KANSL1: variants seen among roughly 807,000 people sequenced by gnomAD.
KANSL1 encodes the protein MLL1/MLL complex subunit KANSL1.
KANSL1 carries 22 observed loss-of-function variants against 103.6 expected under a neutral mutation model. The ratio of observed to expected loss-of-function variants is 0.21; its 90% CI spans 0.15 to 0.30. KANSL1 has a LOEUF of 0.30. KANSL1 is among the 10% of genes least tolerant of loss of function. The probability of loss-of-function intolerance (pLI) is 1.00; values close to 1 mark genes in which losing one functional copy is unlikely to be tolerated. For synonymous variants in KANSL1, 600 were observed against 527.6 expected (o/e 1.14, Z -1.88); for missense variants, 1,337 against 1,399.8 (o/e 0.96, Z 0.72).
intron 2 of KANSL1, among the ~76,000 whole-genome samples, chr17:46,095,511 A>G (rs1049037860): frequency 6.6e-6 from 1 of 152,242 alleles, no homozygotes; most frequent in Non-Finnish European, 1.5e-5. Flanking sequence ...AGAAACGATC[A>G]AACTACTCAA....
intron 7 of KANSL1, chr17:46,042,903 T>TA (rs1242198064): frequency 6.7e-6 from 1 of 148,166 alleles, no homozygotes; most frequent in Admixed American, 7.0e-5. Context: ...GGAAAACTAT[T>TA]AAAGTTTTAA....
At chr17:46,084,260 T>C (rs1023882422) in intron 3 of KANSL1, among the ~76,000 whole-genome samples, 2 of 152,194 alleles carry the variant, frequency 1.3e-5, no homozygotes. Flanking sequence ...CACATGCCCA[T>C]AGTCCCAGCT....
In KANSL1 at chr17:46,029,954, T is replaced by C. The variant is rs2076958047; in HGVS notation, c.*1522A>G. 1 of 146,928 alleles carries C rather than the reference T, an allele frequency of 6.8e-6. No homozygotes were observed. Among genetic ancestry groups the C allele is most frequent in the African/African-American group, 2.4e-5 (1 of 40,936 alleles). 9.1% of individuals were successfully genotyped at this position (146,928 alleles called of 1,614,324 possible). On this transcript the variant is annotated 3_prime_UTR_variant, in exon 15 of 15. Coordinates refer to ENST00000432791, the MANE Select transcript of KANSL1 (RefSeq NM_015443.4). ...TTTTTTATTTTTTTCAATTTTTCCT[T>C]CTTTTTTTTTTTTAAGCACTAGTCT...
intron 3 of KANSL1, among the ~76,000 whole-genome samples, chr17:46,091,335 T>C (rs1259449955): frequency 1.3e-5 from 2 of 152,214 alleles, no homozygotes; most frequent in East Asian, 3.8e-4. Flanking sequence ...CTAAGTGTTA[T>C]TACAAAAGAG....
At chr17:46,038,394 GACAT>G (rs1181668983) in intron 10 of KANSL1, 140 bp downstream of exon 10, 1 of 841,982 alleles carries the variant, frequency 1.2e-6, no homozygotes, top group Non-Finnish European at 1.8e-6. Flanking sequence ...AAATGGTACA[GACAT>G]ACATACATAT....
chr17:46,188,189 A>G (rs957557044), intron 1 of KANSL1, among the ~76,000 whole-genome samples: 1 of 152,200 alleles, frequency 6.6e-6, no homozygotes, highest in Non-Finnish European at 1.5e-5. Context: ...CTTACCTCCT[A>G]TATCTTCTGA....
At chr17:46,035,628 T>A (rs542626165) in intron 10 of KANSL1, 2 of 152,308 alleles carry the variant, frequency 1.3e-5, no homozygotes, top group South Asian at 4.2e-4. Flanking sequence ...AGTGATCTCA[T>A]ACCCAGAGAC....
chr17:46,192,541 G>A (rs538857422), intron 1 of KANSL1: 3 of 152,990 alleles, frequency 2.0e-5, no homozygotes, highest in South Asian at 4.1e-4. Context: ...ATGTTCTTCA[G>A]GCCGCCTTTT....
At chr17:46,187,189 A>G (rs949351029) in intron 1 of KANSL1, among the ~76,000 whole-genome samples, 1 of 152,270 alleles carries the variant, frequency 6.6e-6, no homozygotes, top group African/African-American at 2.4e-5. Flanking sequence ...AAGTCTAGAT[A>G]TGAGTTCTTA....
chr17:46,049,595 C>T (rs1004024081), intron 7 of KANSL1: 5 of 152,036 alleles, frequency 3.3e-5, no homozygotes, highest in East Asian at 1.9e-4. Flanking sequence ...GGATTAAAGA[C>T]GTGGGCCACG....
intron 2 of KANSL1, among the ~76,000 whole-genome samples, chr17:46,167,867 C>T (rs1383208277): frequency 6.6e-6 from 1 of 152,184 alleles, no homozygotes; most frequent in Non-Finnish European, 1.5e-5. Flanking sequence ...AAGAAAAAAA[C>T]AATTGAATTC....
At chr17:46,149,392 T>C (rs1312189449) in intron 2 of KANSL1, among the ~76,000 whole-genome samples, 1 of 152,234 alleles carries the variant, frequency 6.6e-6, no homozygotes, top group Non-Finnish European at 1.5e-5. Flanking sequence ...AGAACAACAA[T>C]GAACAGGATT....
chr17:46,145,811 C>G (rs2044665447), intron 2 of KANSL1, among the ~76,000 whole-genome samples: 1 of 152,186 alleles, frequency 6.6e-6, no homozygotes, highest in Admixed American at 6.5e-5. Flanking sequence ...TCACTCCAAC[C>G]TCCACCTCCT....
At chr17:46,174,525 T>C (rs1317083020) in intron 1 of KANSL1, among the ~76,000 whole-genome samples, 1 of 152,260 alleles carries the variant, frequency 6.6e-6, no homozygotes, top group Non-Finnish European at 1.5e-5. Flanking sequence ...AACAGACTTG[T>C]GACGATATTA....
intron 2 of KANSL1, among the ~76,000 whole-genome samples, chr17:46,108,485 A>G (rs968131907): frequency 6.6e-6 from 1 of 152,194 alleles, no homozygotes; most frequent in African/African-American, 2.4e-5. Flanking sequence ...TGGCTTTATT[A>G]ATAGAACCTT....
intron 2 of KANSL1, among the ~76,000 whole-genome samples, chr17:46,149,963 A>C (rs1004428134): frequency 6.6e-6 from 1 of 151,632 alleles, no homozygotes; most frequent in African/African-American, 2.4e-5. Context: ...TGGAGCTTGC[A>C]GTGAGCTGAG....
Position 46,033,304 on chromosome 17 carries a change from C to G in KANSL1, c.2724+99G>C, listed in dbSNP as rs4597358. 0.2 allele frequency: 288,210 copies of G among 1,442,362 alleles called. 32,307 individuals carry two copies. Among genetic ancestry groups the G allele is most frequent in the African/African-American group, 0.32 (23,260 of 71,626 alleles). 89.3% of individuals were successfully genotyped at this position (1,442,362 alleles called of 1,614,324 possible). A position where few individuals can be genotyped will look rare whatever the true frequency, so the allele number is the denominator to read the frequency against. ...ACAGGAATACAAGGAGCTTGCACTT[C>G]ACACCCACAAGTCTTCAGGCCATTT... On this transcript the variant is annotated intron_variant, in intron 12 of 14. Coordinates refer to ENST00000432791, the MANE Select transcript of KANSL1 (RefSeq NM_015443.4).
At chr17:46,165,393 C>T (rs62060887) in intron 2 of KANSL1, among the ~76,000 whole-genome samples, 17,068 of 149,738 alleles carry the variant, frequency 0.11, no homozygotes, top group Non-Finnish European at 0.17. Flanking sequence ...CCACCACGCC[C>T]GGCTAATTTT....
intron 2 of KANSL1, among the ~76,000 whole-genome samples, chr17:46,165,268 T>C (rs1414310758): frequency 2.6e-5 from 4 of 152,352 alleles, no homozygotes; most frequent in African/African-American, 9.6e-5. Flanking sequence ...AGTCTCGCTC[T>C]GTCGCCCAGG....
Sources: allele counts gnomAD v4.1 joint callset (sites outside exome capture counted in the v4.1 genomes callset), GRCh38; gene constraint gnomAD v4.1.1; transcripts MANE v1.5; gene names NCBI Gene and HGNC (gene_info 2026-07-23, HGNC 2026-07-21).